ATP2B2: variants seen among roughly 807,000 people sequenced by gnomAD.
ATP2B2 encodes the protein plasma membrane calcium-transporting ATPase 2.
A neutral mutation model predicts 120.0 loss-of-function variants in ATP2B2; 15 were observed. The ratio of observed to expected loss-of-function variants is 0.12; its 90% CI spans 0.08 to 0.19. ATP2B2 has a LOEUF of 0.19. Among genes scored for constraint, ATP2B2 ranks in the 10% least tolerant of loss-of-function variants. The pLI is 1.00. For synonymous variants in ATP2B2, 694 were observed against 700.3 expected (o/e 0.99, Z 0.14); for missense variants, 1,045 against 1,719.8 (o/e 0.61, Z 6.94).
intron 1 of ATP2B2, among the ~76,000 whole-genome samples, chr3:10,661,019 C>T (rs1407944752): frequency 6.6e-6 from 1 of 152,158 alleles, no homozygotes; most frequent in Non-Finnish European, 1.5e-5. Flanking sequence ...TCAATAGGTG[C>T]AGAAAAGGCC....
At chr3:10,348,480 T>C (rs3846111) in intron 16 of ATP2B2, among the ~76,000 whole-genome samples, 24 of 152,334 alleles carry the variant, frequency 1.6e-4, no homozygotes, top group African/African-American at 4.3e-4. Flanking sequence ...GTGGTGGGCA[T>C]TGGCGGCCCT....
chr3:10,548,175 A>C (rs1575484101), intron 2 of ATP2B2, among the ~76,000 whole-genome samples: 1 of 152,240 alleles, frequency 6.6e-6, no homozygotes, highest in South Asian at 2.1e-4. Context: ...GAGTGCTAGG[A>C]AAAGCCCCTG....
At chr3:10,556,534 T>C (rs1309146651) in intron 2 of ATP2B2, among the ~76,000 whole-genome samples, 1 of 152,184 alleles carries the variant, frequency 6.6e-6, no homozygotes, top group Non-Finnish European at 1.5e-5. Context: ...GGAAAGCCTC[T>C]CTGAGGACGC....
chr3:10,503,931 G>A (rs2066496186), intron 1 of ATP2B2, among the ~76,000 whole-genome samples: 3 of 152,240 alleles, frequency 2.0e-5, no homozygotes, highest in Non-Finnish European at 4.4e-5. Flanking sequence ...GCTGTGTTTT[G>A]CACGTGAGCA....
intron 5 of ATP2B2, among the ~76,000 whole-genome samples, chr3:10,393,360 T>A (rs1486858656): frequency 6.6e-6 from 1 of 152,082 alleles, no homozygotes; most frequent in Admixed American, 6.5e-5. Flanking sequence ...AGAGTATTTT[T>A]GGGTGGAGGG....
chr3:10,413,894 AG>A (rs1559306794), intron 2 of ATP2B2, among the ~76,000 whole-genome samples: 1 of 152,196 alleles, frequency 6.6e-6, no homozygotes, highest in African/African-American at 2.4e-5. Flanking sequence ...AGAGTTCAAG[AG>A]GGCCGTGGGC....
At chr3:10,625,939 T>C (rs1320491279) in intron 1 of ATP2B2, 1 of 152,272 alleles carries the variant, frequency 6.6e-6, no homozygotes, top group African/African-American at 2.4e-5. Flanking sequence ...CTTCTTTTTC[T>C]AAAGTTTTTT....
intron 1 of ATP2B2, among the ~76,000 whole-genome samples, chr3:10,491,483 C>T (rs186807395): frequency 1.3e-5 from 2 of 152,312 alleles, no homozygotes; most frequent in Non-Finnish European, 2.9e-5. Context: ...ACCTTGGCCT[C>T]CCAATGTGCT....
chr3:10,577,885 T>C (rs2068290969), intron 2 of ATP2B2, among the ~76,000 whole-genome samples: 1 of 152,074 alleles, frequency 6.6e-6, no homozygotes, highest in South Asian at 2.1e-4. Flanking sequence ...CTGCTGATGG[T>C]TTTCAACCAT....
At chr3:10,453,110 A>G (rs984831198) in intron 1 of ATP2B2, among the ~76,000 whole-genome samples, 1 of 152,208 alleles carries the variant, frequency 6.6e-6, no homozygotes, top group East Asian at 1.9e-4. Context: ...AGAAATATCT[A>G]TCTCAGAGAC....
At chr3:10,501,288 A>T (rs1463658573) in intron 1 of ATP2B2, among the ~76,000 whole-genome samples, 3 of 151,984 alleles carry the variant, frequency 2.0e-5, no homozygotes, top group Admixed American at 6.5e-5. Flanking sequence ...CCAGACTGTC[A>T]AGTGAAGACC....
At chr3:10,504,367 G>C (rs984194133) in intron 1 of ATP2B2, among the ~76,000 whole-genome samples, 3 of 152,202 alleles carry the variant, frequency 2.0e-5, no homozygotes, top group Non-Finnish European at 4.4e-5. Flanking sequence ...CAGCGATTCG[G>C]AGAGCAATGC....
Position 10,520,167 on chromosome 3 carries a change from T to C in ATP2B2, c.-320+13872A>G. 1.3e-5 allele frequency among the ~76,000 whole-genome samples: 2 copies of C among 152,240 alleles called. 1 individual carries two copies. The highest frequency in any genetic ancestry group is 2.9e-5 in the Non-Finnish European group (2 of 68,042). The stretch of plus-strand genomic sequence containing the variant: ...TCTGGAATTGAAGAGAGGTGTCGGC[T>C]GCCTGTCCTTAGCCAGAAAATTAAT... On this transcript the variant is annotated intron_variant, in intron 3 of 21. Transcript: ENST00000646379.
chr3:10,409,087 T>C (rs972081072), intron 3 of ATP2B2, among the ~76,000 whole-genome samples: 2 of 152,244 alleles, frequency 1.3e-5, no homozygotes, highest in Admixed American at 6.5e-5. Flanking sequence ...CAACTAGTGG[T>C]AGCTATAAAA....
intron 1 of ATP2B2, among the ~76,000 whole-genome samples, chr3:10,692,036 A>C (rs192196076): frequency 6.6e-6 from 1 of 152,364 alleles, no homozygotes; most frequent in East Asian, 1.9e-4. Flanking sequence ...ATGAGATTCC[A>C]ACTTTATTTT....
chr3:10,454,865 T>G lies in ATP2B2; in HGVS notation c.-319-5003A>C, dbSNP rs145172653. Among the ~76,000 whole-genome samples, 318 of 152,354 alleles carry G rather than the reference T, an allele frequency of 2.1e-3. 5 individuals are homozygous for G. In the South Asian group the frequency reaches 0.041, roughly 20 times the overall value. On this transcript the variant is annotated intron_variant, in intron 1 of 22. Coordinates refer to ENST00000360273, the MANE Select transcript of ATP2B2 (RefSeq NM_001001331.4). Reference sequence around the variant, plus strand: ...AGCTGCTGTCCTGTTCAGCCTCAGTTTCCCTTCCTTGGAAGCCTTTCCTGA... The same window carrying G: ...AGCTGCTGTCCTGTTCAGCCTCAGTGTCCCTTCCTTGGAAGCCTTTCCTGA...
intron 1 of ATP2B2, among the ~76,000 whole-genome samples, chr3:10,630,115 A>C (rs2069821261): frequency 6.6e-6 from 1 of 152,078 alleles, no homozygotes; most frequent in Non-Finnish European, 1.5e-5. Context: ...AGCAGGCAAC[A>C]GTTAAACACG....
rs2060298330 is a variant in ATP2B2, at chr3:10,342,222, C to G, written c.2917+530G>C. On this transcript the variant is annotated intron_variant, in intron 19 of 22. Transcript: ENST00000360273. This position sits in a 1 kb window ranked among gnomAD's most constrained non-coding sequence, Gnocchi z 4.4. ...CACCTCACCTCTCTGAGCCTTGGTG[C>G]CCTCGTTTGTAATGTGGGGTGGAGG... Among the ~76,000 whole-genome samples, 1 of 152,206 alleles carries G rather than the reference C, an allele frequency of 6.6e-6. No homozygotes were observed. Among genetic ancestry groups the G allele is most frequent in the South Asian group, 2.1e-4 (1 of 4,832 alleles).
chr3:10,383,611 T>C (rs1045589031), intron 8 of ATP2B2, among the ~76,000 whole-genome samples: 2 of 152,250 alleles, frequency 1.3e-5, no homozygotes, highest in Non-Finnish European at 2.9e-5. Flanking sequence ...GCTCTGCTAC[T>C]TTCTAGCTCT....
Sources: allele counts gnomAD v4.1 joint callset (sites outside exome capture counted in the v4.1 genomes callset), GRCh38; gene constraint gnomAD v4.1.1; non-coding constraint Gnocchi (gnomAD v3.1); transcripts MANE v1.5; gene names NCBI Gene and HGNC (gene_info 2026-07-23, HGNC 2026-07-21).